Variants in SVOPL observed in about 807,000 individuals in gnomAD.
SVOPL encodes the protein SVOP like.
In SVOPL, 60 loss-of-function variants were observed where a neutral mutation model predicts 61.0. The observed-to-expected ratio is 0.98, with a 90% confidence interval of 0.80 to 1.22. The LOEUF (loss-of-function observed/expected upper bound fraction) is 1.22. SVOPL is among the 50% of genes most tolerant of loss of function. SVOPL has a pLI of 0.00. For missense variants in SVOPL, 662 were observed against 643.9 expected (o/e 1.03, Z -0.30); for synonymous variants, 279 against 250.0 (o/e 1.12, Z -1.09).
chr7:138,700,863 T>C (rs935622228), intron 1 of SVOPL, among the ~76,000 whole-genome samples: 1 of 152,270 alleles, frequency 6.6e-6, no homozygotes, highest in South Asian at 2.1e-4. Context: ...GAGAAACTGA[T>C]AGATTGGGGA....
Position 138,598,075 on chromosome 7 carries a change from T to C in SVOPL, c.1354-1545A>G, listed in dbSNP as rs372189354. ...CTACCTAAGTTTACTAAAGTCAGTT[T>C]CTGTTGTCTGTAAGCAAGAACTCTG... On this transcript the variant is annotated intron_variant, in intron 14 of 15. Transcript: ENST00000674285. Among the ~76,000 whole-genome samples, 6 of 152,218 alleles carry C rather than the reference T, an allele frequency of 3.9e-5. No individual in the cohort carries two copies. The East Asian group carries it at 5.8e-4, about 15-fold the overall frequency.
intron 3 of SVOPL, among the ~76,000 whole-genome samples, chr7:138,673,117 G>C (rs1211804012): frequency 6.6e-6 from 1 of 152,112 alleles, no homozygotes; most frequent in Non-Finnish European, 1.5e-5. Flanking sequence ...GAATTTGTTT[G>C]GCACATGTTC....
In SVOPL at chr7:138,628,259, G is replaced by C. The variant is rs750930275; in HGVS notation, c.968C>G (p.Thr323Ser). The C allele has an allele frequency of 6.2e-7, 1 of 1,614,168 alleles. No individual in the cohort carries two copies. Among genetic ancestry groups the C allele is most frequent in the Non-Finnish European group, 8.5e-7 (1 of 1,180,036 alleles). Residue 323 changes from threonine (T) to serine (S), a missense_variant, in exon 11 of 16, where the codon ACT (threonine) becomes AGT (serine). By Grantham distance (58) the Thr-to-Ser change is moderately conservative. Coordinates refer to ENST00000674285, the MANE Select transcript of SVOPL (RefSeq NM_001139456.2). ...GSKSDSAVVV[T>S]GGDSGESQSP... ...CTGGCTCTCCCCTGAGTCCCCCCCA[G>C]TCACCACCACCGCAGAGTCTGACTT...
rs558722379 is a variant in SVOPL, at chr7:138,623,469, G to A, written c.1264-2334C>T. Among the ~76,000 whole-genome samples the A allele has an allele frequency of 9.2e-5, 14 of 151,986 alleles. No individual in the cohort carries two copies. The East Asian group carries it at 1.6e-3, about 17-fold the overall frequency. On this transcript the variant is annotated intron_variant, in intron 13 of 15. Coordinates refer to ENST00000674285, the MANE Select transcript of SVOPL (RefSeq NM_001139456.2). ...CAAAAAATTAGCCGGGCGTGGTGGC[G>A]GGCACCTGTAGTCCCAGCTACTCAG...
chr7:138,669,864 T>G (rs1802372482), intron 4 of SVOPL, among the ~76,000 whole-genome samples: 1 of 152,238 alleles, frequency 6.6e-6, no homozygotes, highest in Admixed American at 6.5e-5. Context: ...AGTTGATTTT[T>G]TTAGTAAACC....
intron 13 of SVOPL, among the ~76,000 whole-genome samples, chr7:138,621,676 A>ACC (rs1799567732): frequency 6.6e-6 from 1 of 151,920 alleles, no homozygotes; most frequent in Non-Finnish European, 1.5e-5. Context: ...ACCCACCTCA[A>ACC]CCTCCCAAAG....
chr7:138,601,205 T>C lies in SVOPL; in HGVS notation c.1354-4675A>G, dbSNP rs560935814. ...AGGCGGAGCTTGCAGTGAGCCAAGA[T>C]CGTGCCACTGCACTCTAGCCTGGGC... On this transcript the variant is annotated intron_variant, in intron 14 of 15. Transcript: ENST00000674285. Among the ~76,000 whole-genome samples the C allele has an allele frequency of 2.1e-5, 3 of 145,210 alleles. No individual in the cohort carries two copies. The South Asian group carries it at 6.4e-4, about 31-fold the overall frequency.
chr7:138,636,038 C>T (rs552825802), intron 9 of SVOPL, among the ~76,000 whole-genome samples: 13 of 152,268 alleles, frequency 8.5e-5, no homozygotes, highest in African/African-American at 2.6e-4. Flanking sequence ...CCTGCCTCAG[C>T]CTCCCAAGCA....
At chr7:138,635,874 A>C (rs1449517984) in intron 9 of SVOPL, among the ~76,000 whole-genome samples, 3 of 151,736 alleles carry the variant, frequency 2.0e-5, no homozygotes, top group East Asian at 1.9e-4. Flanking sequence ...TTCAGAGAAC[A>C]ACCACAAAAG....
At chr7:138,638,394 C>G (rs1470878238) in intron 9 of SVOPL, among the ~76,000 whole-genome samples, 2 of 151,148 alleles carry the variant, frequency 1.3e-5, no homozygotes, top group Non-Finnish European at 2.9e-5. Flanking sequence ...TAAATAAATA[C>G]TGGCTCCAAA....
chr7:138,680,826 G>T (rs1345639859), intron 1 of SVOPL, among the ~76,000 whole-genome samples: 2 of 152,168 alleles, frequency 1.3e-5, no homozygotes, highest in South Asian at 2.1e-4. Context: ...GAATCCGCCC[G>T]CATCGGCCTC....
At chr7:138,596,955 G>C (rs1798304941) in intron 14 of SVOPL, 12 of 1,120,856 alleles carry the variant, frequency 1.1e-5, no homozygotes, top group Non-Finnish European at 1.3e-5. Context: ...TGAAACAGGT[G>C]AAAGTTTTTT....
intron 7 of SVOPL, among the ~76,000 whole-genome samples, chr7:138,653,809 T>C (rs756226622): frequency 6.6e-6 from 1 of 151,996 alleles, no homozygotes; most frequent in Admixed American, 6.6e-5. Flanking sequence ...GGCATGTGCC[T>C]GTAATCCCAG....
intron 11 of SVOPL, among the ~76,000 whole-genome samples, 171 bp from the exon 12 acceptor site, chr7:138,627,632 C>T (rs1799951672): frequency 1.3e-5 from 2 of 152,192 alleles, no homozygotes; most frequent in Admixed American, 6.5e-5. Context: ...AGACTTTTTA[C>T]ATATACTTTA....
chr7:138,671,871 G>C, intron 4 of SVOPL, 148 bp downstream of exon 4: 2 of 653,006 alleles, frequency 3.1e-6, no homozygotes, highest in Non-Finnish European at 5.3e-6. Context: ...AAAAGGTGAC[G>C]AAGACATCAA....
At chr7:138,673,778 A>G (rs1460666725) in intron 3 of SVOPL, among the ~76,000 whole-genome samples, 2 of 152,212 alleles carry the variant, frequency 1.3e-5, no homozygotes, top group Non-Finnish European at 2.9e-5. Context: ...ACCAATAAGG[A>G]ATAAAACTCT....
intron 6 of SVOPL, among the ~76,000 whole-genome samples, chr7:138,657,642 G>T (rs550718299): frequency 5.3e-5 from 8 of 152,226 alleles, no homozygotes; most frequent in African/African-American, 1.9e-4. Context: ...AGAATTTGGG[G>T]ATTTTTAACA....
chr7:138,638,632 C>A (rs1188529805), intron 9 of SVOPL, among the ~76,000 whole-genome samples: 2 of 136,528 alleles, frequency 1.5e-5, no homozygotes, highest in Non-Finnish European at 3.2e-5. Context: ...TATAAAAAAA[C>A]AAAATAAACT....
intron 10 of SVOPL, among the ~76,000 whole-genome samples, chr7:138,629,121 TTA>T (rs796180145): frequency 1.7e-3 from 176 of 102,934 alleles, no homozygotes; most frequent in African/African-American, 6.1e-3. Flanking sequence ...TAAGCATGTT[TTA>T]TATATGTGTG....
Sources: allele counts gnomAD v4.1 joint callset (sites outside exome capture counted in the v4.1 genomes callset), GRCh38; gene constraint gnomAD v4.1.1; transcripts MANE v1.5; gene names NCBI Gene and HGNC (gene_info 2026-07-23, HGNC 2026-07-21).